The following DNAH5 variants were observed in gnomAD, a reference collection of about 807,000 sequenced individuals.
The protein encoded by DNAH5 is dynein axonemal heavy chain 5.
A neutral mutation model predicts 518.2 loss-of-function variants in DNAH5; 372 were observed. The ratio of observed to expected loss-of-function variants is 0.72; its 90% confidence interval spans 0.66 to 0.78. DNAH5 has a LOEUF of 0.78. DNAH5 is among the 30% of genes least tolerant of loss of function. DNAH5 has a pLI of 0.00. For synonymous variants in DNAH5, 2,039 were observed against 2,025.9 expected, an observed-to-expected ratio of 1.01 and a Z score of -0.17; for missense variants, 5,523 against 5,687.0, an observed-to-expected ratio of 0.97 and a Z score of 0.93.
chr5:13,887,396 A>G (rs1416338337), intron 17 of DNAH5, among the ~76,000 whole-genome samples: 2 of 152,364 alleles, frequency 1.3e-5, no homozygotes, highest in South Asian at 2.1e-4. Flanking sequence ...TATAAACGCA[A>G]TGAGGAAAAA....
Position 13,886,134 on chromosome 5 carries a change from CCAAAAA to C in DNAH5, c.2578-11_2578-6del. On this transcript the variant is annotated splice_polypyrimidine_tract_variant and splice_region_variant and intron_variant, in intron 17 of 78. Coordinates refer to ENST00000265104, the MANE Select transcript of DNAH5 (RefSeq NM_001369.3). Reference sequence around the variant, plus strand: ...TGCACCATTTACACAAAGATCCTAACCAAAAAAAAAAAAAAAAAAAGATAGCACAGT... The same window carrying C: ...TGCACCATTTACACAAAGATCCTAACAAAAAAAAAAAAAAGATAGCACAGT... 7.8e-7 allele frequency: 1 copy of C among 1,287,488 alleles called. No individual in the cohort carries two copies. The highest frequency in any genetic ancestry group is 1.6e-5 in the South Asian group (1 of 63,728). The allele number at this position is 1,287,488 out of a possible 1,614,324, so 79.8% of individuals were successfully genotyped here.
intron 12 of DNAH5, among the ~76,000 whole-genome samples, chr5:13,902,762 G>A (rs565023784): frequency 6.6e-6 from 1 of 152,118 alleles, no homozygotes; most frequent in South Asian, 2.1e-4. Flanking sequence ...CTAGATAAGG[G>A]GTCCAGGTTT....
intron 26 of DNAH5, 109 bp from the exon 27 acceptor site, chr5:13,866,015 G>T: frequency 1.1e-6 from 1 of 919,168 alleles, no homozygotes; most frequent in Non-Finnish European, 1.8e-6. Context: ...TGATCTCTGG[G>T]CACATGTAAA....
chr5:13,913,290 CA>C (rs1397337757), intron 11 of DNAH5, among the ~76,000 whole-genome samples: 1 of 152,014 alleles, frequency 6.6e-6, no homozygotes, highest in East Asian at 1.9e-4. Flanking sequence ...AGGGAAATCA[CA>C]TCTAGAATAA....
Position 13,871,022 on chromosome 5 carries a change from T to C in DNAH5, c.3599-20A>G. ...AGTCAGCTGTAAAAACCCAAATGTC[T>C]ACAGTTCAGTTTTAAAAACTCGAAT... On this transcript the variant is annotated intron_variant, in intron 23 of 78. Transcript: ENST00000265104. 6.3e-7 allele frequency: 1 copy of C among 1,586,918 alleles called. No individual in the cohort carries two copies. Among genetic ancestry groups the C allele is most frequent in the Non-Finnish European group, 8.6e-7 (1 of 1,157,316 alleles).
chr5:13,887,332 G>A (rs559372897), intron 17 of DNAH5, among the ~76,000 whole-genome samples: 1 of 152,272 alleles, frequency 6.6e-6, no homozygotes, highest in African/African-American at 2.4e-5. Flanking sequence ...CTTTCTCTCT[G>A]TGAGAAGGCA....
chr5:13,700,819 T>C lies in DNAH5; in HGVS notation c.13544A>G (p.Asn4515Ser). ...GWALDNMVLCNEVTKWMKDDI... is the reference protein window; with the variant it reads ...GWALDNMVLCSEVTKWMKDDI... ...GTCCTTCATCCATTTGGTGACTTCATTGCAAAGCACCATATTGTCCAGAGC... is the reference window on the plus strand; with the variant it reads ...GTCCTTCATCCATTTGGTGACTTCACTGCAAAGCACCATATTGTCCAGAGC... The change falls in exon 78 of 79, where the codon AAT (asparagine) becomes AGT (serine). Residue 4515 changes from asparagine to serine, a missense_variant. Coordinates refer to ENST00000265104, the MANE Select transcript of DNAH5 (RefSeq NM_001369.3). The C allele has an allele frequency of 3.7e-6, 6 of 1,614,180 alleles. No individual in the cohort carries two copies. The East Asian group carries it at 8.9e-5, about 24-fold the overall frequency.
rs539810401 is a variant in DNAH5 at position 13,714,417 on chromosome 5, A to G, written c.13113T>C (p.Tyr4371=). The change falls in exon 75 of 79, where the codon TAT becomes TAC. Residue 4371 remains tyrosine (Y), a synonymous_variant. Transcript: ENST00000265104. ...DDMLEKLPPD[Y]VPFEVKERLQ... is the part of the protein sequence containing the mutation. ...TTCATCAACTCACTTCAAAGGGGAC[A>G]TAGTCTGGGGGCAGCTTCTCCAGCA... is the stretch of plus-strand genomic sequence containing the variant. 1 of 1,614,152 alleles carries G rather than the reference A, an allele frequency of 6.2e-7. No individual in the cohort carries two copies. The highest frequency in any genetic ancestry group is 1.7e-5 in the Admixed American group (1 of 60,026).
At chr5:13,861,969 AAAAAAAAC>A (rs1357366913) in intron 29 of DNAH5, among the ~76,000 whole-genome samples, 5 of 151,400 alleles carry the variant, frequency 3.3e-5, no homozygotes, top group South Asian at 4.2e-4. Flanking sequence ...AAAAAAAAAA[AAAAAAAAC>A]AAGTTCAAAT....
intron 65 of DNAH5, among the ~76,000 whole-genome samples, chr5:13,747,498 C>T (rs1749559372): frequency 6.6e-6 from 1 of 152,186 alleles, no homozygotes; most frequent in Admixed American, 6.5e-5. Context: ...AGTTTACAGT[C>T]CCACCAACAG....
Position 13,840,979 on chromosome 5 carries a change from C to T in DNAH5, c.5636G>A (p.Ser1879Asn), listed in dbSNP as rs1765077778. The change falls in exon 34 of 79, where the codon AGT becomes AAT. Residue 1879 changes from serine (S) to asparagine (N), a missense_variant. Ser to Asn is a conservative substitution (Grantham distance 46). Coordinates refer to ENST00000265104, the MANE Select transcript of DNAH5 (RefSeq NM_001369.3). ...TLIDVTTRDL[S>N]STERVKYETL... ...CTCGTATTTCACTCGTTCCGTGGAACTCAGATCCCTCGTGGTGACGTCTAT... is the reference window on the plus strand; with the variant it reads ...CTCGTATTTCACTCGTTCCGTGGAATTCAGATCCCTCGTGGTGACGTCTAT... 3 of 1,614,046 alleles carry T rather than the reference C, an allele frequency of 1.9e-6. No homozygotes were observed. The highest frequency in any genetic ancestry group is 1.7e-5 in the Admixed American group (1 of 60,000).
intron 1 of DNAH5, among the ~76,000 whole-genome samples, chr5:13,966,118 A>G (rs2582702): frequency 0.87 from 132,859 of 152,254 alleles, 58,070 homozygotes; most frequent in East Asian, 1. Flanking sequence ...TTCACTCTAC[A>G]TGAATAATGG....
At position 13,793,568 on chromosome 5, in the gene DNAH5, A is replaced by G; in HGVS notation, c.8171T>C (p.Phe2724Ser). Residue 2724 changes from phenylalanine (F) to serine (S), a missense_variant, in exon 49 of 79, where the codon TTC becomes TCC. By Grantham distance (155) the Phe-to-Ser change is radical. Transcript: ENST00000265104. ...GGGCAACGTGCAATTAAATATAGAG[A>G]ACTGCCTCTTGAGTCTTTGGGGTAT... The part of the protein sequence containing the change: ...NDIPQRLKRQ[F>S]SIFNCTLPSE... 4 of 1,614,022 alleles carry G rather than the reference A, an allele frequency of 2.5e-6. No individual in the cohort carries two copies. Among genetic ancestry groups the G allele is most frequent in the Non-Finnish European group, 3.4e-6 (4 of 1,180,016 alleles).
intron 42 of DNAH5, among the ~76,000 whole-genome samples, chr5:13,815,237 G>A (rs1286113104): frequency 6.6e-6 from 1 of 152,140 alleles, no homozygotes; most frequent in African/African-American, 2.4e-5. Context: ...GTAGAATGAG[G>A]GCATGGGGCA....
chr5:13,848,683 C>G (rs1766396868), intron 31 of DNAH5, among the ~76,000 whole-genome samples: 1 of 152,142 alleles, frequency 6.6e-6, no homozygotes, highest in South Asian at 2.1e-4. Flanking sequence ...ACCTAGATCC[C>G]TCGCATGTGC....
chr5:13,728,781 C>T (rs1043710981), intron 69 of DNAH5, among the ~76,000 whole-genome samples: 2 of 152,190 alleles, frequency 1.3e-5, no homozygotes, highest in African/African-American at 2.4e-5. Flanking sequence ...CACCCTGCTG[C>T]CAAACTCATT....
In DNAH5 at chr5:13,923,315, G is replaced by C; in HGVS notation, c.403C>G (p.Pro135Ala). The part of the protein sequence containing the change: ...GVCVFFIRTD[P>A]SKAITPDNIH... ...TTGTCAGGGGTGATGGCTTTGGAAG[G>C]GTCAGTCCTGATGAAGAACACACAT... The change falls in exon 4 of 79, where the codon CCT becomes GCT. Residue 135 changes from proline to alanine, a missense_variant. Physicochemically the swap from Pro to Ala is conservative, Grantham distance 27. Around this residue, in one of 3 missense-constraint regions of DNAH5, gnomAD observed 5,121 missense variants for 5,223.3 expected, o/e 0.98. Coordinates refer to ENST00000265104, the MANE Select transcript of DNAH5 (RefSeq NM_001369.3). 6.2e-7 allele frequency: 1 copy of C among 1,614,042 alleles called. No individual in the cohort carries two copies. The highest frequency in any genetic ancestry group is 8.5e-7 in the Non-Finnish European group (1 of 1,179,988).
intron 1 of DNAH5, among the ~76,000 whole-genome samples, chr5:13,991,286 A>G (rs1458519206): frequency 3.3e-5 from 5 of 152,238 alleles, no homozygotes; most frequent in African/African-American, 1.2e-4. Flanking sequence ...CTGAAAGGGA[A>G]CAAATGAAGT....
intron 18 of DNAH5, among the ~76,000 whole-genome samples, chr5:13,885,713 T>A (rs2151942583): frequency 6.6e-6 from 1 of 152,256 alleles, no homozygotes; most frequent in South Asian, 2.1e-4. Flanking sequence ...CACCCACACA[T>A]AAATGCAAAG....
Sources: gnomAD v4.1 joint callset for allele counts (sites outside exome capture counted in the v4.1 genomes callset) on GRCh38, gnomAD v4.1.1 for gene constraint, gnomAD v4.1.1 regional missense constraint, MANE v1.5 for transcripts, NCBI Gene and HGNC (gene_info 2026-07-23, HGNC 2026-07-21) for gene names.